TBCD: variants seen among roughly 807,000 people sequenced by gnomAD.
The protein encoded by TBCD is tubulin-specific chaperone D.
A neutral mutation model predicts 169.3 loss-of-function variants in TBCD; 105 were observed. The observed-to-expected ratio is 0.62, with a 90% CI of 0.53 to 0.73. The LOEUF (loss-of-function observed/expected upper bound fraction) is 0.73. Among genes scored for constraint, TBCD ranks in the 30% least tolerant of loss-of-function variants. The pLI is 0.00. For missense variants in TBCD, 1,444 were observed against 1,600.1 expected (o/e 0.90, Z 1.66); for synonymous variants, 700 against 643.9 (o/e 1.09, Z -1.32).
intron 7 of TBCD, among the ~76,000 whole-genome samples, chr17:82,792,372 C>CACAT (rs1030167950): frequency 4.7e-5 from 7 of 150,416 alleles, no homozygotes; most frequent in African/African-American, 1.5e-4. Context: ...CACACACACA[C>CACAT]ATATATGTGT....
chr17:82,896,257 C>T (rs751446909), intron 17 of TBCD, among the ~76,000 whole-genome samples: 14 of 152,136 alleles, frequency 9.2e-5, no homozygotes, highest in African/African-American at 2.2e-4. Context: ...CTGTGGGGAC[C>T]GTCCCCCGAG....
In TBCD at chr17:82,832,308, A is replaced by G; in HGVS notation, c.1318+17374A>G. ...CTGATACTAAAGTAATCGAGTTTTT[A>G]CAAAGACCATACTTCATGTGATTAA... On this transcript the variant is annotated intron_variant, in intron 13 of 38. Transcript: ENST00000355528. The surrounding 1 kb of genome is among the most constrained non-coding windows in gnomAD (Gnocchi z 4.9). 2 of 1,614,250 alleles carry G rather than the reference A, an allele frequency of 1.2e-6. No homozygotes were observed. The highest frequency in any genetic ancestry group is 8.5e-7 in the Non-Finnish European group (1 of 1,180,050).
intron 13 of TBCD, chr17:82,829,361 A>G (rs2053268401): frequency 6.4e-6 from 1 of 155,040 alleles, no homozygotes; most frequent in Admixed American, 6.5e-5. Context: ...ATGTGCATAC[A>G]CGCACCCGTT....
chr17:82,929,560 C>T, intron 32 of TBCD, 60 bp downstream of exon 32: 2 of 1,591,190 alleles, frequency 1.3e-6, no homozygotes, highest in East Asian at 4.5e-5. Context: ...TGGTGCTTCC[C>T]TGTCTCTTGG....
At chr17:82,829,880 C>G in intron 13 of TBCD, 1 of 549,198 alleles carries the variant, frequency 1.8e-6, no homozygotes, top group South Asian at 2.4e-5. Flanking sequence ...TGTAAGACAG[C>G]TTAGACTTGA....
intron 21 of TBCD, 119 bp downstream of exon 21, chr17:82,907,940 C>T (rs2060362300): frequency 9.1e-7 from 1 of 1,098,814 alleles, no homozygotes; most frequent in Admixed American, 2.5e-5. Flanking sequence ...TCCATCAGTC[C>T]TGGGCTCAGT....
chr17:82,809,814 C>T (rs2051294616), intron 12 of TBCD, 32 bp downstream of exon 12: 1 of 1,602,646 alleles, frequency 6.2e-7, no homozygotes, highest in Non-Finnish European at 8.5e-7. Context: ...GGCGTGTGGG[C>T]CTGACCCTGA....
At chr17:82,804,442 G>A (rs1356546805) in intron 9 of TBCD, among the ~76,000 whole-genome samples, 1 of 152,124 alleles carries the variant, frequency 6.6e-6, no homozygotes, top group Non-Finnish European at 1.5e-5. Flanking sequence ...TGGTGGGTCT[G>A]GAATCTTGAC....
intron 13 of TBCD, among the ~76,000 whole-genome samples, chr17:82,857,966 A>C (rs1243418941): frequency 6.6e-6 from 1 of 151,954 alleles, no homozygotes; most frequent in Non-Finnish European, 1.5e-5. Flanking sequence ...AGGCAGGAGT[A>C]CAGTGGTATG....
At chr17:82,790,914 A>G (rs949423483) in intron 7 of TBCD, among the ~76,000 whole-genome samples, 1 of 151,850 alleles carries the variant, frequency 6.6e-6, no homozygotes, top group African/African-American at 2.4e-5. Context: ...CCTGCTTCCC[A>G]GGCCAATGCC....
intron 5 of TBCD, among the ~76,000 whole-genome samples, chr17:82,771,132 A>C (rs913509197): frequency 1.3e-5 from 2 of 151,518 alleles, no homozygotes; most frequent in African/African-American, 4.8e-5. Context: ...ACAAACAAAC[A>C]AAAAAAACCG....
At chr17:82,861,153 G>A (rs910181612) in intron 13 of TBCD, among the ~76,000 whole-genome samples, 2 of 152,210 alleles carry the variant, frequency 1.3e-5, no homozygotes, top group Admixed American at 6.5e-5. Context: ...ACGGATGCAC[G>A]GCCTCGCACC....
chr17:82,900,614 TC>T, intron 17 of TBCD, 36 bp from the exon 18 acceptor site: 3 of 1,565,470 alleles, frequency 1.9e-6, no homozygotes, highest in Non-Finnish European at 2.6e-6. Context: ...TTCTCGTTCT[TC>T]CGCGTCTCAC....
intron 8 of TBCD, among the ~76,000 whole-genome samples, chr17:82,800,435 C>T (rs180947790): frequency 2.0e-4 from 30 of 152,022 alleles, no homozygotes; most frequent in African/African-American, 3.1e-4. Flanking sequence ...TCTCCCCAGC[C>T]GCAGTGTGCT....
chr17:82,871,975 G>A (rs1041595023), intron 14 of TBCD, among the ~76,000 whole-genome samples: 6 of 152,172 alleles, frequency 3.9e-5, no homozygotes, highest in African/African-American at 9.7e-5. Context: ...TGTAGGCTCC[G>A]AAGGGTCTCG....
chr17:82,907,371 C>G, intron 20 of TBCD, among the ~76,000 whole-genome samples: 1 of 152,196 alleles, frequency 6.6e-6, no homozygotes, highest in Non-Finnish European at 1.5e-5. Flanking sequence ...TTCCTTTGAC[C>G]AGGCACTGCT....
At position 82,872,109 on chromosome 17, in the gene TBCD, C is replaced by T. The variant is rs569759011; in HGVS notation, c.1475+1729C>T. On this transcript the variant is annotated intron_variant, in intron 14 of 38. Transcript: ENST00000355528. ...GGTGTGCAGCACGTGGCCAGCGTCT[C>T]ATAGTCTAGATTCTTGCATCAGAGC... is the stretch of plus-strand genomic sequence containing the variant. Among the ~76,000 whole-genome samples the T allele has an allele frequency of 9.2e-5, 14 of 152,340 alleles. No homozygotes were observed. In the East Asian group the frequency reaches 2.7e-3, roughly 29 times the overall value.
intron 2 of TBCD, among the ~76,000 whole-genome samples, chr17:82,757,251 AG>A (rs1310139533): frequency 2.6e-5 from 4 of 152,118 alleles, no homozygotes; most frequent in African/African-American, 9.7e-5. Context: ...ACTAAGGGTC[AG>A]CCTTTCATGT....
rs74000076 is a variant in TBCD, at chr17:82,779,956, C to T, written c.639-1633C>T. ...GGTGGCCTTGTGGCTGTTGAGGGAG[C>T]GCCTGGTGCCTCCCTCCTGGCATCA... is the stretch of plus-strand genomic sequence containing the variant. On this transcript the variant is annotated intron_variant, in intron 6 of 38. Transcript: ENST00000355528. 9.5e-3 allele frequency among the ~76,000 whole-genome samples: 1,451 copies of T among 152,206 alleles called. 18 individuals are homozygous for T. The highest frequency in any genetic ancestry group is 0.032 in the African/African-American group (1,341 of 41,544).
Sources: allele counts gnomAD v4.1 joint callset (sites outside exome capture counted in the v4.1 genomes callset), GRCh38; gene constraint gnomAD v4.1.1; non-coding constraint Gnocchi (gnomAD v3.1); transcripts MANE v1.5; gene names NCBI Gene and HGNC (gene_info 2026-07-23, HGNC 2026-07-21).